Variants in MAST2 observed in about 807,000 individuals in gnomAD.
MAST2 encodes microtubule-associated serine/threonine-protein kinase 2.
Under a neutral mutation model 147.4 loss-of-function variants are expected in MAST2, and 70 were observed. That is an observed-to-expected ratio of 0.47 (90% CI 0.39 to 0.58). The LOEUF is 0.58. Ranked by LOEUF, MAST2 falls within the 20% of genes least tolerant of loss-of-function variation. The pLI, the probability that MAST2 is intolerant of heterozygous loss-of-function variation, is 0.00. For synonymous variants in MAST2, 869 were observed against 896.8 expected, an observed-to-expected ratio of 0.97 and a Z score of 0.55; for missense variants, 2,080 against 2,302.3, an observed-to-expected ratio of 0.90 and a Z score of 1.98.
chr1:45,852,804 G>C (rs1377993681), intron 3 of MAST2, among the ~76,000 whole-genome samples: 2 of 127,514 alleles, frequency 1.6e-5, no homozygotes, highest in Admixed American at 8.3e-5. Flanking sequence ...TTTGTGTGTA[G>C]TATTCCATTG....
intron 5 of MAST2, among the ~76,000 whole-genome samples, chr1:45,988,442 C>T (rs373792471): frequency 6.6e-6 from 1 of 152,144 alleles, no homozygotes; most frequent in Non-Finnish European, 1.5e-5. Context: ...TCATTGTAGT[C>T]AGAAAACATA....
intron 10 of MAST2, among the ~76,000 whole-genome samples, chr1:46,011,368 A>G (rs556055696): frequency 7.2e-5 from 11 of 152,312 alleles, no homozygotes; most frequent in Admixed American, 6.5e-4. Context: ...GGCTTGCACA[A>G]TGGGTTTAGC....
rs149228861 is a variant in MAST2 at position 46,026,073 on chromosome 1, A to G, written c.1919+258A>G. ...GGAGCCCCACTGAAGAAACCAAGCA[A>G]GAACAAAAGAATAAGCACATCTAGT... On this transcript the variant is annotated intron_variant, in intron 16 of 28. Coordinates refer to ENST00000361297, the MANE Select transcript of MAST2 (RefSeq NM_015112.3). Among the ~76,000 whole-genome samples, 9 of 152,342 alleles carry G rather than the reference A, an allele frequency of 5.9e-5. No homozygotes were observed. In the East Asian group the frequency reaches 1.7e-3, roughly 29 times the overall value.
intron 3 of MAST2, among the ~76,000 whole-genome samples, chr1:45,830,991 G>A (rs150808601): frequency 3.5e-4 from 51 of 147,374 alleles, no homozygotes; most frequent in African/African-American, 1.1e-3. Flanking sequence ...AGTTGTGATT[G>A]TGCCACCACA....
chr1:45,820,891 C>CTTT (rs1644603466), intron 1 of MAST2, among the ~76,000 whole-genome samples: 1 of 68,152 alleles, frequency 1.5e-5, no homozygotes, highest in African/African-American at 5.6e-5. Flanking sequence ...CTCTTTCTTT[C>CTTT]TCTTTTTTTT....
At chr1:45,861,392 G>T (rs1645975885) in intron 3 of MAST2, among the ~76,000 whole-genome samples, 1 of 150,888 alleles carries the variant, frequency 6.6e-6, no homozygotes, top group Non-Finnish European at 1.5e-5. Flanking sequence ...GTATTTTCTT[G>T]TTCTCTGTAT....
chr1:46,015,275 C>G (rs1021454586), intron 10 of MAST2, among the ~76,000 whole-genome samples: 16 of 152,036 alleles, frequency 1.1e-4, no homozygotes, highest in Non-Finnish European at 2.1e-4. Flanking sequence ...ACTAGAAAAG[C>G]AAGAGCAACA....
chr1:45,853,927 T>G (rs1476866041), intron 3 of MAST2, among the ~76,000 whole-genome samples: 1 of 152,210 alleles, frequency 6.6e-6, no homozygotes, highest in African/African-American at 2.4e-5. Flanking sequence ...TAGTGTGAGT[T>G]GTAGGTTAAG....
At chr1:45,991,929 A>C (rs4660903) in intron 5 of MAST2, among the ~76,000 whole-genome samples, 1 of 151,742 alleles carries the variant, frequency 6.6e-6, no homozygotes, top group African/African-American at 2.4e-5. Context: ...GGGTCTCACT[A>C]TGTTGCCCAG....
Position 45,840,382 on chromosome 1 carries a change from T to C in MAST2, c.468+10801T>C, listed in dbSNP as rs1446438094. ...TTTTTCATTTCTACTCAAGAAAATA[T>C]ATTTGAATGAAATCATTGTGAATGC... On this transcript the variant is annotated intron_variant, in intron 3 of 28. Transcript: ENST00000361297. Among the ~76,000 whole-genome samples the C allele has an allele frequency of 2.6e-5, 4 of 152,204 alleles. 1 individual carries two copies. Among genetic ancestry groups the C allele is most frequent in the Admixed American group, 2.0e-4 (3 of 15,274 alleles).
At chr1:46,003,443 A>T (rs751033238) in intron 7 of MAST2, among the ~76,000 whole-genome samples, 1 of 152,224 alleles carries the variant, frequency 6.6e-6, no homozygotes, top group East Asian at 1.9e-4. Context: ...AATTGCTGCT[A>T]TGCACAATTG....
intron 15 of MAST2, 73 bp from the exon 16 acceptor site, chr1:46,025,604 C>T (rs1646375056): frequency 1.9e-6 from 3 of 1,583,830 alleles, no homozygotes; most frequent in Non-Finnish European, 2.6e-6. Context: ...ACCTCAGAAA[C>T]TGCCAGATGG....
At chr1:45,804,872 A>G (rs1299609494) in intron 1 of MAST2, among the ~76,000 whole-genome samples, 2 of 152,232 alleles carry the variant, frequency 1.3e-5, no homozygotes, top group African/African-American at 2.4e-5. Flanking sequence ...AAAGGAGAAT[A>G]AGTAATCCTT....
intron 4 of MAST2, among the ~76,000 whole-genome samples, chr1:45,931,773 T>C (rs996691719): frequency 1.3e-5 from 2 of 151,630 alleles, no homozygotes; most frequent in African/African-American, 4.9e-5. Flanking sequence ...GGATTACAGG[T>C]GTGAGCCACC....
chr1:45,972,174 A>C (rs1199362246), intron 5 of MAST2, among the ~76,000 whole-genome samples: 1 of 152,226 alleles, frequency 6.6e-6, no homozygotes, highest in Non-Finnish European at 1.5e-5. Context: ...TTGGGTTTGA[A>C]GCTGTCAAGG....
chr1:46,001,985 A>G lies in MAST2; in HGVS notation c.669-820A>G, dbSNP rs1045161698. Among the ~76,000 whole-genome samples, 7 of 152,182 alleles carry G rather than the reference A, an allele frequency of 4.6e-5. No individual in the cohort carries two copies. The East Asian group carries it at 1.3e-3, about 29-fold the overall frequency. ...AGAGCAGGCTGTACCCTTAAGCTCT[A>G]CAAAAAAGAATACACCACATCCCAC... On this transcript the variant is annotated intron_variant, in intron 6 of 28. Transcript: ENST00000361297.
chr1:46,034,177 G>A lies in MAST2; in HGVS notation c.3779G>A (p.Ser1260Asn). The A allele has an allele frequency of 6.2e-7, 1 of 1,614,128 alleles. No homozygotes were observed. Among genetic ancestry groups the A allele is most frequent in the Non-Finnish European group, 8.5e-7 (1 of 1,180,010 alleles). The change falls in exon 28 of 29, where the codon AGT becomes AAT. Residue 1260 changes from serine (S) to asparagine (N), a missense_variant. By Grantham distance (46) the Ser-to-Asn change is conservative. Around this residue, in one of 4 missense-constraint regions of MAST2, gnomAD observed 1,278 missense variants for 1,304.2 expected, o/e 0.98. Coordinates refer to ENST00000361297, the MANE Select transcript of MAST2 (RefSeq NM_015112.3). ...SLNRSLSSGE[S>N]GPGSPTHSHS... Reference sequence around the variant, plus strand: ...AACCGCTCCTTGTCATCAGGGGAGAGTGGGCCAGGCTCTCCCACACACAGC... The same window carrying A: ...AACCGCTCCTTGTCATCAGGGGAGAATGGGCCAGGCTCTCCCACACACAGC...
chr1:45,954,345 T>A (rs1021805842), intron 4 of MAST2, among the ~76,000 whole-genome samples: 6 of 152,158 alleles, frequency 3.9e-5, no homozygotes, highest in Non-Finnish European at 7.3e-5. Flanking sequence ...GATCTACTAC[T>A]CTCCAAATGT....
intron 3 of MAST2, chr1:45,864,958 T>TA: frequency 8.7e-6 from 3 of 343,270 alleles, no homozygotes; most frequent in Non-Finnish European, 1.7e-5. Context: ...ATTGTATACT[T>TA]ACGCTGGACA....
Sources: gnomAD v4.1 joint callset for allele counts (sites outside exome capture counted in the v4.1 genomes callset) on GRCh38, gnomAD v4.1.1 for gene constraint, gnomAD v4.1.1 regional missense constraint, MANE v1.5 for transcripts, NCBI Gene and HGNC (gene_info 2026-07-23, HGNC 2026-07-21) for gene names.